Variants in DNASE1 observed in about 807,000 individuals in gnomAD.
DNASE1 encodes deoxyribonuclease 1.
In DNASE1, 40 loss-of-function variants were observed where a neutral mutation model predicts 33.9. The ratio of observed to expected loss-of-function variants is 1.18; its 90% CI spans 0.92 to 1.54. The LOEUF (loss-of-function observed/expected upper bound fraction) is 1.54. DNASE1 is among the 40% of genes most tolerant of loss of function. The probability of loss-of-function intolerance (pLI) is 0.00; values close to 1 mark genes in which losing one functional copy is unlikely to be tolerated. For synonymous variants in DNASE1, 216 were observed against 160.0 expected (o/e 1.35, Z -2.64); for missense variants, 518 against 372.6 (o/e 1.39, Z -3.21).
At chr16:3,621,067 G>A (rs894242946) in intron 1 of DNASE1, among the ~76,000 whole-genome samples, 30 of 152,108 alleles carry the variant, frequency 2.0e-4, no homozygotes, top group African/African-American at 7.0e-4. Flanking sequence ...CAAAGTGCTG[G>A]GATTACAGGT....
chr16:3,616,363 G>C (rs1360817397), intron 1 of DNASE1, among the ~76,000 whole-genome samples: 1 of 152,262 alleles, frequency 6.6e-6, no homozygotes, highest in Non-Finnish European at 1.5e-5. Context: ...GCTCACGCCT[G>C]TAATCCCGGC....
chr16:3,663,080 C>G (rs1304499823), downstream of DNASE1: 1 of 803,188 alleles, frequency 1.2e-6, no homozygotes, highest in Non-Finnish European at 1.9e-6. Flanking sequence ...AGGATGGAGA[C>G]ACAAGCTAGC....
chr16:3,656,073 C>A (rs1214025752), intron 3 of DNASE1, 29 bp from the exon 4 acceptor site: 1 of 1,613,350 alleles, frequency 6.2e-7, no homozygotes, highest in Non-Finnish European at 8.5e-7. Flanking sequence ...TGGCCCCCGC[C>A]ACTGGGACCT....
intron 4 of DNASE1, 145 bp downstream of exon 4, chr16:3,656,330 A>C (rs540226013): frequency 2.2e-6 from 2 of 905,944 alleles, no homozygotes; most frequent in Non-Finnish European, 3.5e-6. Flanking sequence ...AAACACCCCA[A>C]GGTCCCGGAC....
intron 1 of DNASE1, among the ~76,000 whole-genome samples, chr16:3,637,123 C>T (rs1290406329): frequency 1.4e-5 from 2 of 144,290 alleles, no homozygotes; most frequent in Non-Finnish European, 3.0e-5. Context: ...GACTCCATCT[C>T]AAAAAAAAAA....
At chr16:3,664,077 C>G (rs1177719377) in exon 10 of DNASE1, 5 of 586,048 alleles carry the variant, frequency 8.5e-6, no homozygotes, top group Middle Eastern at 9.1e-4. Context: ...AAACAAAAAA[C>G]AAACAAAAAA....
intron 1 of DNASE1, among the ~76,000 whole-genome samples, chr16:3,635,069 C>G (rs946956357): frequency 2.0e-5 from 3 of 151,964 alleles, no homozygotes; most frequent in Admixed American, 2.0e-4. Flanking sequence ...GCTATCCTGC[C>G]TCAGCCTCTT....
At chr16:3,656,841 C>A in intron 5 of DNASE1, 88 bp downstream of exon 5, 1 of 1,542,078 alleles carries the variant, frequency 6.5e-7, no homozygotes, top group Non-Finnish European at 8.8e-7. Flanking sequence ...CTGTGTCACA[C>A]ACTGCCCTCC....
downstream of DNASE1, chr16:3,659,063 T>G (rs923879874): frequency 2.0e-5 from 12 of 588,478 alleles, no homozygotes; most frequent in Admixed American, 6.8e-5. Context: ...AGTGTCAGTA[T>G]TAGAAAATGC....
upstream of DNASE1, chr16:3,641,123 G>C (rs978537215): frequency 2.5e-5 from 10 of 396,452 alleles, no homozygotes; most frequent in Middle Eastern, 6.2e-4. Flanking sequence ...AGGGTGGCTA[G>C]TGGTGGCCAG....
At chr16:3,634,770 C>T (rs1364493680) in intron 1 of DNASE1, among the ~76,000 whole-genome samples, 1 of 152,044 alleles carries the variant, frequency 6.6e-6, no homozygotes, top group Non-Finnish European at 1.5e-5. Flanking sequence ...CCGCCTCAGC[C>T]TCCCAAAGTG....
chr16:3,656,206 G>T, intron 4 of DNASE1, 21 bp downstream of exon 4: 1 of 1,613,064 alleles, frequency 6.2e-7, no homozygotes, highest in South Asian at 1.1e-5. Flanking sequence ...TAGAAAGCCA[G>T]GAAGCCCCTC....
upstream of DNASE1, chr16:3,654,127 C>A (rs931942139): frequency 2.8e-5 from 10 of 361,498 alleles, no homozygotes; most frequent in Non-Finnish European, 4.9e-5. Flanking sequence ...AATAAAAACC[C>A]AAAACAAAAG....
intron 1 of DNASE1, among the ~76,000 whole-genome samples, chr16:3,621,270 A>G (rs533039800): frequency 6.6e-6 from 1 of 152,164 alleles, no homozygotes; most frequent in East Asian, 1.9e-4. Context: ...AAATTTTTGT[A>G]GATATGGGGT....
chr16:3,626,148 C>A (rs991328237), intron 1 of DNASE1, among the ~76,000 whole-genome samples: 1 of 150,608 alleles, frequency 6.6e-6, no homozygotes, highest in Non-Finnish European at 1.5e-5. Flanking sequence ...GTGATGTGCA[C>A]GGGACTAGTA....
At chr16:3,627,871 A>T (rs559557120) in intron 1 of DNASE1, among the ~76,000 whole-genome samples, 3 of 144,792 alleles carry the variant, frequency 2.1e-5, no homozygotes, top group African/African-American at 7.7e-5. Flanking sequence ...CTTTTTCAAC[A>T]TGGTGTTGGC....
downstream of DNASE1, chr16:3,662,825 G>A: frequency 1.9e-6 from 3 of 1,567,542 alleles, no homozygotes; most frequent in Non-Finnish European, 1.8e-6. Flanking sequence ...CCACCAGCTG[G>A]CCAGCCTGTT....
At chr16:3,658,146 C>G, downstream of DNASE1, 2 of 1,614,090 alleles carry the variant, frequency 1.2e-6, no homozygotes, top group Non-Finnish European at 1.7e-6. Flanking sequence ...CGCTCCAGGG[C>G]CTTGACAAGC....
chr16:3,622,004 T>G (rs1033125163), intron 1 of DNASE1, among the ~76,000 whole-genome samples: 2 of 152,130 alleles, frequency 1.3e-5, no homozygotes, highest in Non-Finnish European at 2.9e-5. Context: ...GTGGATCACT[T>G]GAGGTCAGGA....
Sources: gnomAD v4.1 joint callset for allele counts (sites outside exome capture counted in the v4.1 genomes callset) on GRCh38, gnomAD v4.1.1 for gene constraint, MANE v1.5 for transcripts, NCBI Gene and HGNC (gene_info 2026-07-23, HGNC 2026-07-21) for gene names.